Variants in AGPAT2 observed in about 807,000 individuals in gnomAD.
AGPAT2 encodes 1-acylglycerol-3-phosphate O-acyltransferase 2.
AGPAT2 carries 18 observed loss-of-function variants against 26.1 expected under a neutral mutation model. The observed-to-expected ratio is 0.69, with a 90% CI of 0.48 to 1.02. The LOEUF is 1.02. AGPAT2 is among the 50% of genes least tolerant of loss of function. The pLI is 0.00. For missense variants in AGPAT2, 415 were observed against 394.9 expected (o/e 1.05, Z -0.43); for synonymous variants, 200 against 174.2 (o/e 1.15, Z -1.16).
chr9:136,686,051 G>A (rs947773809), intron 1 of AGPAT2, among the ~76,000 whole-genome samples: 19 of 152,234 alleles, frequency 1.2e-4, no homozygotes, highest in African/African-American at 3.1e-4. Flanking sequence ...GCAGCCAGCA[G>A]GCCCTTCTCG....
intron 1 of AGPAT2, 139 bp downstream of exon 1, chr9:136,687,037 C>A: frequency 1.0e-6 from 1 of 968,480 alleles, no homozygotes; most frequent in Non-Finnish European, 1.4e-6. Context: ...TGCCTGCCGC[C>A]GGCCCAGGCG....
chr9:136,686,558 A>G (rs1846223428), intron 1 of AGPAT2, among the ~76,000 whole-genome samples: 1 of 152,206 alleles, frequency 6.6e-6, no homozygotes. Context: ...CTTCGCTTGG[A>G]AGCTGGGCCC....
chr9:136,687,349 C>T lies in AGPAT2; in HGVS notation c.9G>A (p.Leu3=), dbSNP rs772550183. ...GCAGCGCCGCGGCCAGACACGGCCA[C>T]AGCTCCATGGCCCGGCCCGGCGCCC... ME[L]WPCLAAALLL... is the part of the protein sequence containing the mutation. Residue 3 remains leucine (L), a synonymous_variant, in exon 1 of 6, where the codon CTG becomes CTA. Coordinates refer to ENST00000371696, the MANE Select transcript of AGPAT2 (RefSeq NM_006412.4). 9.1e-6 allele frequency: 14 copies of T among 1,536,132 alleles called. No individual in the cohort carries two copies. The South Asian group carries it at 1.5e-4, about 17-fold the overall frequency.
At chr9:136,683,502 G>A (rs1036905585) in intron 1 of AGPAT2, among the ~76,000 whole-genome samples, 1 of 152,296 alleles carries the variant, frequency 6.6e-6, no homozygotes, top group African/African-American at 2.4e-5. Context: ...GCTGGGGCTC[G>A]CTGGGGCCAC....
At chr9:136,677,180 C>A in intron 2 of AGPAT2, 44 bp from the exon 3 acceptor site, 1 of 1,604,224 alleles carries the variant, frequency 6.2e-7, no homozygotes, top group Non-Finnish European at 8.5e-7. Flanking sequence ...GGGGAGACAG[C>A]GTGCGCTGGA....
intron 1 of AGPAT2, among the ~76,000 whole-genome samples, chr9:136,686,744 G>C (rs914936159): frequency 2.0e-5 from 3 of 152,246 alleles, no homozygotes; most frequent in Admixed American, 1.3e-4. Context: ...CCCCCACGCC[G>C]TCGTGCGCCC....
chr9:136,679,421 C>T (rs1260430748), intron 1 of AGPAT2, among the ~76,000 whole-genome samples: 1 of 152,224 alleles, frequency 6.6e-6, no homozygotes, highest in Non-Finnish European at 1.5e-5. Context: ...AGCCTGGGGC[C>T]TCCTCAGATC....
intron 1 of AGPAT2, among the ~76,000 whole-genome samples, chr9:136,682,802 G>C (rs1398112209): frequency 6.6e-6 from 1 of 152,134 alleles, no homozygotes; most frequent in African/African-American, 2.4e-5. Context: ...CCCCTCTGGG[G>C]TCTGCAGGAA....
At chr9:136,678,505 C>T (rs1012692443) in intron 1 of AGPAT2, among the ~76,000 whole-genome samples, 4 of 152,166 alleles carry the variant, frequency 2.6e-5, no homozygotes, top group African/African-American at 4.8e-5. Context: ...AGCTCCACTC[C>T]GAAGCTCCAG....
At chr9:136,679,487 C>T (rs1177097930) in intron 1 of AGPAT2, among the ~76,000 whole-genome samples, 2 of 152,206 alleles carry the variant, frequency 1.3e-5, no homozygotes, top group African/African-American at 4.8e-5. Flanking sequence ...GGCCACCGTC[C>T]CCTCCCACCC....
At chr9:136,677,647 T>G in intron 1 of AGPAT2, 91 bp from the exon 2 acceptor site, 79 of 1,375,208 alleles carry the variant, frequency 5.7e-5, no homozygotes, top group East Asian at 1.0e-4. Context: ...TGGAGGAGGC[T>G]GGGGAGGGGC....
At chr9:136,680,009 A>G (rs1381797969) in intron 1 of AGPAT2, among the ~76,000 whole-genome samples, 1 of 152,220 alleles carries the variant, frequency 6.6e-6, no homozygotes, top group Non-Finnish European at 1.5e-5. Flanking sequence ...CAGTAGAAAG[A>G]GGGAAAGTAA....
At chr9:136,676,786 G>T in intron 3 of AGPAT2, 106 bp from the exon 4 acceptor site, 1 of 1,310,612 alleles carries the variant, frequency 7.6e-7, no homozygotes, top group Non-Finnish European at 1.1e-6. Context: ...AGCTGGCATG[G>T]GACCCCATCT....
chr9:136,679,768 G>A (rs1005227324), intron 1 of AGPAT2, among the ~76,000 whole-genome samples: 26 of 152,238 alleles, frequency 1.7e-4, no homozygotes, highest in African/African-American at 5.8e-4. Context: ...GATAACAGGA[G>A]GTGCCAGCCA....
Position 136,678,634 on chromosome 9 carries a change from C to T in AGPAT2, c.183-1078G>A, listed in dbSNP as rs534324082. Among the ~76,000 whole-genome samples, 3 of 152,300 alleles carry T rather than the reference C, an allele frequency of 2.0e-5. No homozygotes were observed. The South Asian group carries it at 6.2e-4, about 32-fold the overall frequency. ...TTTGATCCCCCAGCAGTCCTAAGGG[C>T]CCCACACTTTCTACAGATGAGTCTG... On this transcript the variant is annotated intron_variant, in intron 1 of 5. Transcript: ENST00000371696.
Position 136,673,707 on chromosome 9 carries a change from G to T in AGPAT2, c.*45C>A, listed in dbSNP as rs769602973. 2.9e-5 allele frequency: 44 copies of T among 1,504,824 alleles called. No individual in the cohort carries two copies. Among genetic ancestry groups the T allele is most frequent in the Middle Eastern group, 2.4e-4 (1 of 4,222 alleles). The allele number at this position is 1,504,824 out of a possible 1,614,324, so 93.2% of individuals were successfully genotyped here. A position where few individuals can be genotyped will look rare whatever the true frequency, so the allele number is the denominator to read the frequency against. ...CCCCTCTGCCCATCCTCCAGCCATCGGCTTCCACCTGCCCTCCCCAGGTCA... is the reference window on the plus strand; with the variant it reads ...CCCCTCTGCCCATCCTCCAGCCATCTGCTTCCACCTGCCCTCCCCAGGTCA... On this transcript the variant is annotated 3_prime_UTR_variant, in exon 6 of 6. Transcript: ENST00000371696.
At chr9:136,676,501 G>C (rs1564290787) in intron 4 of AGPAT2, 84 bp downstream of exon 4, 3 of 1,115,506 alleles carry the variant, frequency 2.7e-6, no homozygotes, top group Non-Finnish European at 4.0e-6. Flanking sequence ...CCTCAGCTCG[G>C]CTGGTGGTCA....
Position 136,673,794 on chromosome 9 carries a change from C to T in AGPAT2, c.795G>A (p.Glu265=), listed in dbSNP as rs781126746. The T allele has an allele frequency of 7.5e-6, 12 of 1,605,148 alleles. No homozygotes were observed. The highest frequency in any genetic ancestry group is 2.2e-5 in the South Asian group (2 of 89,554). ...CGCCAGACCCCGCAGTGGCCCCGTT[C>T]TCCTGGGGGGTCTTGGAGATGTGGA... The part of the protein sequence containing the change: ...TFLHISKTPQ[E]NGATAGSGVQ... The change falls in exon 6 of 6, where the codon GAG becomes GAA. Residue 265 remains glutamate (E), a synonymous_variant. Coordinates refer to ENST00000371696, the MANE Select transcript of AGPAT2 (RefSeq NM_006412.4).
rs1421120588 is a variant in AGPAT2, at chr9:136,677,474, C to A, written c.265G>T (p.Ala89Ser). ...TTGGAGACGATGACACAGGGACGGG[C>A]CTCCTGCAGCCTGCGCGGGTCCCGC... The part of the protein sequence containing the change: ...EVRDPRRLQE[A>S]RPCVIVSNHQ... The change falls in exon 2 of 6, where the codon GCC (alanine) becomes TCC (serine). Residue 89 changes from alanine to serine, a missense_variant. Physicochemically the swap from Ala to Ser is moderately conservative, Grantham distance 99. Transcript: ENST00000371696. 6.2e-7 allele frequency: 1 copy of A among 1,612,954 alleles called. No individual in the cohort carries two copies. Among genetic ancestry groups the A allele is most frequent in the African/African-American group, 1.3e-5 (1 of 74,952 alleles).
Sources: gnomAD v4.1 joint callset for allele counts (sites outside exome capture counted in the v4.1 genomes callset) on GRCh38, gnomAD v4.1.1 for gene constraint, MANE v1.5 for transcripts, NCBI Gene and HGNC (gene_info 2026-07-23, HGNC 2026-07-21) for gene names.